ZFAND4: variants seen among roughly 807,000 people sequenced by gnomAD.
ZFAND4 encodes zinc finger AN1-type containing 4.
ZFAND4 carries 43 observed loss-of-function variants against 64.4 expected under a neutral mutation model. That is an observed-to-expected ratio of 0.67 (90% CI 0.52 to 0.86). The LOEUF (loss-of-function observed/expected upper bound fraction) is 0.86. Ranked by LOEUF, ZFAND4 falls within the 40% of genes least tolerant of loss-of-function variation. The pLI, the probability that ZFAND4 is intolerant of heterozygous loss-of-function variation, is 0.00. For synonymous variants in ZFAND4, 296 were observed against 305.7 expected (o/e 0.97, Z 0.33); for missense variants, 929 against 859.8 (o/e 1.08, Z -1.01).
intron 2 of ZFAND4, among the ~76,000 whole-genome samples, chr10:45,654,266 C>A (rs985022361): frequency 1.3e-5 from 2 of 152,122 alleles, no homozygotes; most frequent in Admixed American, 6.5e-5. Flanking sequence ...CAGCAACACA[C>A]AATTTACCCA....
chr10:45,626,159 T>TAACAGTCATTTC lies in ZFAND4; in HGVS notation c.1663_1664insGAAATGACTGTT (p.Lys555delinsArgAsnAspCysTer), dbSNP rs2045805316. ...ACAACCAACAGGCTCTTTGGAAGCCTTGTTAGTCATTTCTGTGATATCCCG... is the reference window on the plus strand; with the variant it reads ...ACAACCAACAGGCTCTTTGGAAGCCTAACAGTCATTTCTGTTAGTCATTTCTGTGATATCCCG... On this transcript the variant is annotated stop_gained and protein_altering_variant, in exon 7 of 10. Coordinates refer to ENST00000344646, the MANE Select transcript of ZFAND4 (RefSeq NM_174890.4). LOFTEE classifies it high-confidence loss of function. 6.2e-7 allele frequency: 1 copy of TAACAGTCATTTC among 1,614,068 alleles called. No homozygotes were observed. Among genetic ancestry groups the TAACAGTCATTTC allele is most frequent in the African/African-American group, 1.3e-5 (1 of 74,930 alleles).
intron 6 of ZFAND4, among the ~76,000 whole-genome samples, chr10:45,632,224 G>A (rs2046273976): frequency 1.3e-5 from 2 of 152,188 alleles, no homozygotes; most frequent in Admixed American, 1.3e-4. Flanking sequence ...CGGGTGTGGT[G>A]GCACACGCCT....
At position 45,653,075 on chromosome 10, in the gene ZFAND4, T is replaced by C. The variant is rs2047865384; in HGVS notation, c.185-16A>G. 12 of 1,586,956 alleles carry C rather than the reference T, an allele frequency of 7.6e-6. No individual in the cohort carries two copies. The highest frequency in any genetic ancestry group is 9.5e-6 in the Non-Finnish European group (11 of 1,161,444). On this transcript the variant is annotated splice_polypyrimidine_tract_variant and intron_variant, in intron 2 of 9. Transcript: ENST00000344646. ...ATGGGAATACCTTAAGGGAAAGTTA[T>C]TAAAAAAAAGTGTTAAAGAATTCAA...
intron 4 of ZFAND4, 26 bp downstream of exon 4, chr10:45,651,940 T>C: frequency 6.3e-7 from 1 of 1,597,186 alleles, no homozygotes. Flanking sequence ...TACTGTCAAA[T>C]TGCTTTAATA....
chr10:45,657,014 CTTTT>C (rs199943085), intron 2 of ZFAND4, among the ~76,000 whole-genome samples: 6 of 137,220 alleles, frequency 4.4e-5, no homozygotes, highest in Non-Finnish European at 6.4e-5. Context: ...GCAACCTGAA[CTTTT>C]TTTTTTTTTT....
Position 45,625,865 on chromosome 10 carries a change from T to C in ZFAND4, c.1872+86A>G, listed in dbSNP as rs1051894828. The C allele has an allele frequency of 1.2e-5, 15 of 1,235,560 alleles. No homozygotes were observed. In the African/African-American group the frequency reaches 2.3e-4, roughly 19 times the overall value. The allele number at this position is 1,235,560 out of a possible 1,614,324, so 76.5% of individuals were successfully genotyped here. A position where few individuals can be genotyped will look rare whatever the true frequency, so the allele number is the denominator to read the frequency against. On this transcript the variant is annotated intron_variant, in intron 7 of 9. Transcript: ENST00000344646. Reference sequence around the variant, plus strand: ...AAAATAATCTAATCTTAGCCTTCCTTATTTATGTAAACAAAAACCAAACTT... The same window carrying C: ...AAAATAATCTAATCTTAGCCTTCCTCATTTATGTAAACAAAAACCAAACTT...
chr10:45,618,225 C>T lies in ZFAND4; in HGVS notation c.1963G>A (p.Ala655Thr). ...CTTHHLPPVK[A>T]PLQTKKKTTN... ...GTTTTCTTCTTTGTCTGAAGAGGGGCTTTCACAGGTGGGAGGTGATGAGTA... is the reference window on the plus strand; with the variant it reads ...GTTTTCTTCTTTGTCTGAAGAGGGGTTTTCACAGGTGGGAGGTGATGAGTA... The change falls in exon 9 of 10, where the codon GCC (alanine) becomes ACC (threonine). Residue 655 changes from alanine to threonine, a missense_variant. Transcript: ENST00000344646. The T allele has an allele frequency of 2.5e-6, 4 of 1,613,610 alleles. No homozygotes were observed. Among genetic ancestry groups the T allele is most frequent in the Admixed American group, 1.7e-5 (1 of 59,916 alleles).
At position 45,626,257 on chromosome 10, in the gene ZFAND4, C is replaced by T. The variant is rs1245530481; in HGVS notation, c.1566G>A (p.Arg522=). ...CTTTAACACCTTGAAAGCAAGTAGT[C>T]CTAGAGAAAGAAGAATCAGTTATGT... is the stretch of plus-strand genomic sequence containing the variant. ...VQNITDSSFS[R]TTCFQGVKVD... The change falls in exon 7 of 10, where the codon AGG becomes AGA. Residue 522 remains arginine, a synonymous_variant. Transcript: ENST00000344646. 6.2e-7 allele frequency: 1 copy of T among 1,614,092 alleles called. No homozygotes were observed. Among genetic ancestry groups the T allele is most frequent in the Admixed American group, 1.7e-5 (1 of 60,002 alleles).
intron 2 of ZFAND4, among the ~76,000 whole-genome samples, chr10:45,653,562 T>C (rs773820597): frequency 2.0e-5 from 3 of 152,168 alleles, no homozygotes; most frequent in African/African-American, 7.2e-5. Context: ...AACAAATATA[T>C]TTAAAAAGCT....
At chr10:45,633,926 G>A (rs2046382796) in intron 6 of ZFAND4, among the ~76,000 whole-genome samples, 1 of 152,176 alleles carries the variant, frequency 6.6e-6, no homozygotes, top group East Asian at 1.9e-4. Context: ...GAAATGCAAT[G>A]CATCATTCTT....
At chr10:45,636,427 G>A (rs1770826756) in intron 6 of ZFAND4, among the ~76,000 whole-genome samples, 1 of 152,140 alleles carries the variant, frequency 6.6e-6, no homozygotes, top group African/African-American at 2.4e-5. Context: ...CTTGAGGTCA[G>A]GAGTTCAAGA....
intron 9 of ZFAND4, among the ~76,000 whole-genome samples, chr10:45,617,542 C>T (rs2045075846): frequency 7.2e-6 from 1 of 139,824 alleles, no homozygotes; most frequent in African/African-American, 2.7e-5. Flanking sequence ...GCAGGGGGAT[C>T]GCTTGAGCCC....
rs1466954312 is a variant in ZFAND4, at chr10:45,616,427, G to A, written c.*9C>T. On this transcript the variant is annotated 3_prime_UTR_variant, in exon 10 of 10. Transcript: ENST00000344646. ...ATCCCGGGCAGAACAGTAAGATGTA[G>A]AGGAAGAGTTAGATTTTTGGAAGCT... 12 of 1,613,882 alleles carry A rather than the reference G, an allele frequency of 7.4e-6. No individual in the cohort carries two copies. Among genetic ancestry groups the A allele is most frequent in the Non-Finnish European group, 1.0e-5 (12 of 1,179,940 alleles).
chr10:45,651,677 AAGTAGTATTTAT>A, intron 4 of ZFAND4: 1 of 518,930 alleles, frequency 1.9e-6, no homozygotes, highest in South Asian at 1.5e-5. Context: ...CACAATGGTA[AAGTAGTATTTAT>A]AGTATGTCAT....
chr10:45,642,086 C>T (rs2047037840), intron 5 of ZFAND4, among the ~76,000 whole-genome samples: 1 of 152,190 alleles, frequency 6.6e-6, no homozygotes, highest in Admixed American at 6.5e-5. Context: ...AGATTTTCGT[C>T]ATGTCACCCT....
chr10:45,645,756 T>C (rs763095380), intron 5 of ZFAND4, among the ~76,000 whole-genome samples: 3 of 152,170 alleles, frequency 2.0e-5, no homozygotes, highest in Admixed American at 6.5e-5. Context: ...GCAGCAGATA[T>C]ATTTCCGAGC....
chr10:45,621,691 G>A (rs2045438799), intron 8 of ZFAND4, among the ~76,000 whole-genome samples: 3 of 152,116 alleles, frequency 2.0e-5, no homozygotes, highest in Middle Eastern at 3.4e-3. Flanking sequence ...GCAGTGAGCC[G>A]AGATCGTGCC....
At chr10:45,640,294 T>C (rs2046894038) in intron 5 of ZFAND4, 1 of 1,238,018 alleles carries the variant, frequency 8.1e-7, no homozygotes, top group Non-Finnish European at 1.0e-6. Context: ...CTGATTTCAT[T>C]TTATCAGCCA....
At chr10:45,655,617 T>C (rs750662458) in intron 2 of ZFAND4, among the ~76,000 whole-genome samples, 2 of 152,200 alleles carry the variant, frequency 1.3e-5, no homozygotes, top group African/African-American at 2.4e-5. Flanking sequence ...CCATTAGCTA[T>C]ATTAATCAAG....
Sources: gnomAD v4.1 joint callset for allele counts (sites outside exome capture counted in the v4.1 genomes callset) on GRCh38, gnomAD v4.1.1 for gene constraint, MANE v1.5 for transcripts, NCBI Gene and HGNC (gene_info 2026-07-23, HGNC 2026-07-21) for gene names.